PLD1: variants seen among roughly 807,000 people sequenced by gnomAD.
The protein encoded by PLD1 is phospholipase D1.
A neutral mutation model predicts 137.1 loss-of-function variants in PLD1; 112 were observed. The observed-to-expected ratio is 0.82, with a 90% CI of 0.70 to 0.96. The LOEUF is 0.96. Among genes scored for constraint, PLD1 ranks in the 40% least tolerant of loss-of-function variants. The probability of loss-of-function intolerance (pLI) is 0.00; values close to 1 mark genes in which losing one functional copy is unlikely to be tolerated. For missense variants in PLD1, 1,321 were observed against 1,342.0 expected, an observed-to-expected ratio of 0.98 and a Z score of 0.24; for synonymous variants, 431 against 454.7, an observed-to-expected ratio of 0.95 and a Z score of 0.66.
chr3:171,626,654 T>C (rs1423683808), intron 23 of PLD1, among the ~76,000 whole-genome samples: 1 of 151,776 alleles, frequency 6.6e-6, no homozygotes, highest in Non-Finnish European at 1.5e-5. Context: ...AGCGGATCTC[T>C]CAGCAGAAAC....
chr3:171,652,140 G>A (rs745875116), intron 21 of PLD1, among the ~76,000 whole-genome samples: 10 of 152,072 alleles, frequency 6.6e-5, no homozygotes, highest in African/African-American at 1.2e-4. Context: ...TTGGCCAGGC[G>A]CGGTGGCTCA....
intron 1 of PLD1, among the ~76,000 whole-genome samples, chr3:171,780,825 A>G (rs4309755): frequency 0.53 from 80,062 of 151,962 alleles, 21,499 homozygotes; most frequent in Middle Eastern, 0.75. Context: ...AAAGACCTAA[A>G]TAAGTGGATA....
intron 19 of PLD1, among the ~76,000 whole-genome samples, chr3:171,663,152 G>C (rs1711697036): frequency 6.6e-6 from 1 of 152,194 alleles, no homozygotes; most frequent in Admixed American, 6.5e-5. Flanking sequence ...CTTCTCCTTA[G>C]CGTCTATATT....
At position 171,601,809 on chromosome 3, in the gene PLD1, T is replaced by A. The variant is rs1047783855; in HGVS notation, c.*1269A>T. On this transcript the variant is annotated 3_prime_UTR_variant, in exon 27 of 27. Coordinates refer to ENST00000351298, the MANE Select transcript of PLD1 (RefSeq NM_002662.5). ...TAACCCACATTAGCTCTTTAGACTG[T>A]CAGAGTTGTTCAGCTTAGTAAAATT... 1.3e-5 allele frequency: 2 copies of A among 152,186 alleles called. No individual in the cohort carries two copies. Among genetic ancestry groups the A allele is most frequent in the African/African-American group, 4.8e-5 (2 of 41,438 alleles). 9.4% of individuals were successfully genotyped at this position (152,186 alleles called of 1,614,324 possible). A position where few individuals can be genotyped will look rare whatever the true frequency, so the allele number is the denominator to read the frequency against.
intron 1 of PLD1, chr3:171,792,527 G>T (rs770196335): frequency 1.1e-5 from 5 of 454,492 alleles, no homozygotes; most frequent in Middle Eastern, 3.2e-4. Flanking sequence ...CGAAGGTCTC[G>T]CTGAGCAAAC....
intron 24 of PLD1, among the ~76,000 whole-genome samples, chr3:171,614,617 A>G (rs1732941246): frequency 6.6e-6 from 1 of 152,248 alleles, no homozygotes; most frequent in African/African-American, 2.4e-5. Context: ...ATTTGTTTAA[A>G]GAAGCCTCCT....
chr3:171,761,704 T>G (rs574836102), intron 1 of PLD1, among the ~76,000 whole-genome samples: 3 of 152,256 alleles, frequency 2.0e-5, no homozygotes, highest in African/African-American at 7.2e-5. Flanking sequence ...GTCCTGAGAC[T>G]CCCAGATAAA....
chr3:171,717,353 C>T (rs2108224138), intron 8 of PLD1, among the ~76,000 whole-genome samples: 1 of 152,234 alleles, frequency 6.6e-6, no homozygotes, highest in East Asian at 1.9e-4. Flanking sequence ...GGAATATTTT[C>T]CATTTGTTTG....
At chr3:171,710,780 A>T (rs1362612143) in intron 9 of PLD1, among the ~76,000 whole-genome samples, 1 of 152,168 alleles carries the variant, frequency 6.6e-6, no homozygotes, top group Non-Finnish European at 1.5e-5. Flanking sequence ...AAGCTAAGCA[A>T]AATGGCATAT....
At chr3:171,794,864 C>G (rs934887077) in intron 1 of PLD1, among the ~76,000 whole-genome samples, 3 of 152,108 alleles carry the variant, frequency 2.0e-5, no homozygotes, top group South Asian at 4.1e-4. Context: ...TCAAAAAAAA[C>G]CAACAGAAAT....
At chr3:171,649,050 A>C (rs1006526898) in intron 21 of PLD1, among the ~76,000 whole-genome samples, 16 of 152,170 alleles carry the variant, frequency 1.1e-4, no homozygotes, top group African/African-American at 2.4e-5. Context: ...TACAAGTGGT[A>C]TTGCTGGTCT....
intron 1 of PLD1, among the ~76,000 whole-genome samples, chr3:171,776,047 C>G (rs1722580385): frequency 6.6e-6 from 1 of 152,182 alleles, no homozygotes; most frequent in Non-Finnish European, 1.5e-5. Context: ...ATAATAAAAA[C>G]AGTAACCCCT....
At chr3:171,742,292 CATA>C (rs976156082) in intron 1 of PLD1, among the ~76,000 whole-genome samples, 2 of 152,154 alleles carry the variant, frequency 1.3e-5, no homozygotes, top group African/African-American at 4.8e-5. Context: ...GTGGTATGAT[CATA>C]GCTCAATGCC....
chr3:171,806,757 G>C (rs1011283002), intron 1 of PLD1, among the ~76,000 whole-genome samples: 2 of 152,142 alleles, frequency 1.3e-5, no homozygotes, highest in Non-Finnish European at 2.9e-5. Context: ...GTTTAGATAG[G>C]TACTATTTGC....
intron 23 of PLD1, among the ~76,000 whole-genome samples, chr3:171,620,764 A>AT (rs1425217712): frequency 1.6e-5 from 2 of 125,976 alleles, no homozygotes; most frequent in East Asian, 2.0e-4. Context: ...ATATATATAT[A>AT]TATATTATAT....
At chr3:171,624,676 A>G (rs1204439675) in intron 23 of PLD1, among the ~76,000 whole-genome samples, 1 of 152,208 alleles carries the variant, frequency 6.6e-6, no homozygotes, top group African/African-American at 2.4e-5. Flanking sequence ...GAATAAACGC[A>G]AATCCACATA....
chr3:171,699,881 T>C, intron 11 of PLD1, 55 bp from the exon 12 acceptor site: 2 of 1,431,942 alleles, frequency 1.4e-6, no homozygotes, highest in African/African-American at 1.4e-5. Context: ...AAAGTTCTGA[T>C]TGTGTCATAG....
chr3:171,691,361 AT>A (rs1715133296), intron 13 of PLD1, among the ~76,000 whole-genome samples: 1 of 152,040 alleles, frequency 6.6e-6, no homozygotes, highest in South Asian at 2.1e-4. Flanking sequence ...TTTCTACTAC[AT>A]GTCTTATAGC....
intron 8 of PLD1, among the ~76,000 whole-genome samples, chr3:171,717,706 G>A (rs978244796): frequency 3.3e-5 from 5 of 152,114 alleles, no homozygotes; most frequent in Non-Finnish European, 7.4e-5. Flanking sequence ...TTGCTATTTG[G>A]ATGCCTTTTA....
Sources: gnomAD v4.1 joint callset for allele counts (sites outside exome capture counted in the v4.1 genomes callset) on GRCh38, gnomAD v4.1.1 for gene constraint, MANE v1.5 for transcripts, NCBI Gene and HGNC (gene_info 2026-07-23, HGNC 2026-07-21) for gene names.